CCDC158: variants seen among roughly 807,000 people sequenced by gnomAD.
CCDC158 encodes the protein coiled-coil domain-containing protein 158.
Under a neutral mutation model 138.6 loss-of-function variants are expected in CCDC158, and 116 were observed. The observed-to-expected ratio is 0.84, with a 90% CI of 0.72 to 0.98. The LOEUF (loss-of-function observed/expected upper bound fraction) is 0.98. CCDC158 is among the 50% of genes least tolerant of loss of function. CCDC158 has a pLI of 0.00. For missense variants in CCDC158, 1,265 were observed against 1,306.1 expected (o/e 0.97, Z 0.48); for synonymous variants, 436 against 442.4 (o/e 0.99, Z 0.18).
At chr4:76,377,154 T>C (rs1342662497) in intron 9 of CCDC158, among the ~76,000 whole-genome samples, 1 of 152,222 alleles carries the variant, frequency 6.6e-6, no homozygotes, top group East Asian at 1.9e-4. Flanking sequence ...ATCAGCATGA[T>C]ACTGTATATT....
At chr4:76,383,478 T>C (rs758170582) in intron 7 of CCDC158, among the ~76,000 whole-genome samples, 184 bp downstream of exon 7, 6 of 152,180 alleles carry the variant, frequency 3.9e-5, no homozygotes, top group Non-Finnish European at 8.8e-5. Context: ...TCATCTCAAA[T>C]GACATCTTCC....
intron 4 of CCDC158, among the ~76,000 whole-genome samples, chr4:76,387,834 A>G (rs1466415214): frequency 6.7e-6 from 1 of 149,504 alleles, no homozygotes; most frequent in Non-Finnish European, 1.5e-5. Flanking sequence ...AAAAAAAAAA[A>G]AAAAAATCAA....
chr4:76,367,897 T>A, intron 11 of CCDC158, 121 bp from the exon 12 acceptor site: 2 of 654,632 alleles, frequency 3.1e-6, no homozygotes, highest in Non-Finnish European at 4.4e-6. Flanking sequence ...GTAAGATCTT[T>A]TTTTTTTTTT....
At chr4:76,319,921 T>A (rs1248721421) in intron 24 of CCDC158, among the ~76,000 whole-genome samples, 1 of 152,074 alleles carries the variant, frequency 6.6e-6, no homozygotes, top group African/African-American at 2.4e-5. Flanking sequence ...TATTCAACAT[T>A]GTACTGGAAG....
intron 16 of CCDC158, 170 bp from the exon 17 acceptor site, chr4:76,351,982 G>A (rs1723087473): frequency 3.7e-6 from 2 of 535,642 alleles, no homozygotes; most frequent in Non-Finnish European, 3.3e-6. Context: ...GTGAGCAACT[G>A]GAGGCCATGT....
At chr4:76,379,831 A>C (rs1726064360) in intron 8 of CCDC158, among the ~76,000 whole-genome samples, 1 of 151,610 alleles carries the variant, frequency 6.6e-6, no homozygotes, top group Non-Finnish European at 1.5e-5. Context: ...TGTAATCCCC[A>C]CATGTCAGGG....
At position 76,348,617 on chromosome 4, in the gene CCDC158, T is replaced by C. The variant is rs76647758; in HGVS notation, c.2664+2379A>G. On this transcript the variant is annotated intron_variant, in intron 18 of 24. Transcript: ENST00000682701. ...CAATACAAAAAAGTAAAAGATAATA[T>C]TGAGAATTTCTGTAAAGAACTTGTT... is the stretch of plus-strand genomic sequence containing the variant. Among the ~76,000 whole-genome samples the C allele has an allele frequency of 4.0e-3, 609 of 152,136 alleles. 3 individuals are homozygous for C. The highest frequency in any genetic ancestry group is 0.014 in the African/African-American group (574 of 41,514).
At chr4:76,352,587 C>T (rs1723155916) in intron 16 of CCDC158, 1 of 152,110 alleles carries the variant, frequency 6.6e-6, no homozygotes. Context: ...TTTAGGCTTC[C>T]AGAGTTTCTA....
At chr4:76,387,077 G>A (rs946846183) in intron 4 of CCDC158, among the ~76,000 whole-genome samples, 1 of 152,170 alleles carries the variant, frequency 6.6e-6, no homozygotes, top group Admixed American at 6.5e-5. Flanking sequence ...TGTGACCTAA[G>A]GAGACCCAAG....
At chr4:76,379,781 C>A (rs187071315) in intron 8 of CCDC158, among the ~76,000 whole-genome samples, 1 of 145,232 alleles carries the variant, frequency 6.9e-6, no homozygotes, top group Non-Finnish European at 1.5e-5. Flanking sequence ...CACACACACA[C>A]GGTTTGGCTC....
intron 3 of CCDC158, chr4:76,402,035 T>G (rs1728439546): frequency 6.6e-6 from 1 of 152,216 alleles, no homozygotes; most frequent in Non-Finnish European, 1.5e-5. Flanking sequence ...AACAGATCAG[T>G]AACTGAGAAT....
At chr4:76,319,001 G>A (rs902041640) in intron 24 of CCDC158, among the ~76,000 whole-genome samples, 9 of 151,802 alleles carry the variant, frequency 5.9e-5, no homozygotes, top group Non-Finnish European at 5.9e-5. Flanking sequence ...GGCCAGGCGC[G>A]GTGGCTTACG....
At chr4:76,385,473 A>G (rs1180886534) in intron 4 of CCDC158, among the ~76,000 whole-genome samples, 1 of 152,184 alleles carries the variant, frequency 6.6e-6, no homozygotes, top group African/African-American at 2.4e-5. Flanking sequence ...GCTATGCCAA[A>G]TAAGTGATCA....
chr4:76,382,468 C>T (rs17252554), intron 8 of CCDC158, 142 bp downstream of exon 8: 216,201 of 605,238 alleles, frequency 0.36, 44,669 homozygotes, highest in Non-Finnish European at 0.44. Context: ...ATAATACTTC[C>T]TGTTCATTTA....
At chr4:76,332,342 A>T in intron 20 of CCDC158, 90 bp downstream of exon 20, 1 of 1,077,646 alleles carries the variant, frequency 9.3e-7, no homozygotes, top group Non-Finnish European at 1.4e-6. Context: ...TGTCATGTAA[A>T]CTTATGTCCA....
At chr4:76,324,184 C>G (rs924866378) in intron 23 of CCDC158, among the ~76,000 whole-genome samples, 15 of 150,340 alleles carry the variant, frequency 1.0e-4, no homozygotes, top group Non-Finnish European at 1.9e-4. Flanking sequence ...GAAACAGTTT[C>G]TTGGAGAGTT....
intron 14 of CCDC158, among the ~76,000 whole-genome samples, chr4:76,356,047 T>A (rs911861472): frequency 5.9e-5 from 9 of 152,084 alleles, no homozygotes; most frequent in African/African-American, 2.2e-4. Flanking sequence ...CATAAGCATA[T>A]CTGATTTTTT....
intron 18 of CCDC158, chr4:76,345,385 A>C (rs1439176440): frequency 2.0e-6 from 2 of 1,010,642 alleles, no homozygotes; most frequent in Non-Finnish European, 3.2e-6. Flanking sequence ...AAAGACGTCA[A>C]ATTGGCTGAG....
At position 76,366,625 on chromosome 4, in the gene CCDC158, A is replaced by AC. The variant is rs1413916587; in HGVS notation, c.1830+668_1830+669insG. ...TAGGGAAAAGGAGACACTGCTACAT[A>AC]AACACACACACAAACACACACACAC... On this transcript the variant is annotated intron_variant, in intron 12 of 24. Transcript: ENST00000682701. 5.7e-3 allele frequency among the ~76,000 whole-genome samples: 680 copies of AC among 119,562 alleles called. 5 individuals are homozygous for AC. Among genetic ancestry groups the AC allele is most frequent in the African/African-American group, 0.019 (647 of 33,692 alleles). The allele number at this position is 119,562 out of a possible 152,430, so 78.4% of individuals were successfully genotyped here.
Sources: gnomAD v4.1 joint callset for allele counts (sites outside exome capture counted in the v4.1 genomes callset) on GRCh38, gnomAD v4.1.1 for gene constraint, MANE v1.5 for transcripts, NCBI Gene and HGNC (gene_info 2026-07-23, HGNC 2026-07-21) for gene names.